RFX7: variants seen among roughly 807,000 people sequenced by gnomAD.
The protein encoded by RFX7 is regulatory factor X7.
A neutral mutation model predicts 111.8 loss-of-function variants in RFX7; 26 were observed. That is an observed-to-expected ratio of 0.23 (90% CI 0.17 to 0.32). RFX7 has a LOEUF of 0.32. Among genes scored for constraint, RFX7 ranks in the 10% least tolerant of loss-of-function variants. The probability of loss-of-function intolerance (pLI) is 1.00; values close to 1 mark genes in which losing one functional copy is unlikely to be tolerated. For missense variants in RFX7, 1,573 were observed against 1,772.9 expected, an observed-to-expected ratio of 0.89 and a Z score of 2.02; for synonymous variants, 624 against 624.4, an observed-to-expected ratio of 1.00 and a Z score of 0.01.
chr15:56,123,483 G>A (rs1467993080), intron 5 of RFX7, among the ~76,000 whole-genome samples: 1 of 152,166 alleles, frequency 6.6e-6, no homozygotes, highest in African/African-American at 2.4e-5. Flanking sequence ...CTCTCCTCAA[G>A]TGGAAGGAAG....
At chr15:56,167,875 G>C (rs1477075909) in intron 3 of RFX7, among the ~76,000 whole-genome samples, 1 of 152,148 alleles carries the variant, frequency 6.6e-6, no homozygotes, top group East Asian at 1.9e-4. Flanking sequence ...ATGGCATTCA[G>C]ACAACCTGCT....
At chr15:56,200,563 G>A (rs2043184223) in intron 2 of RFX7, among the ~76,000 whole-genome samples, 1 of 152,114 alleles carries the variant, frequency 6.6e-6, no homozygotes, top group Non-Finnish European at 1.5e-5. Context: ...CACTTTGGGA[G>A]GCCGAGGTGG....
intron 2 of RFX7, among the ~76,000 whole-genome samples, chr15:56,239,938 G>A (rs986587359): frequency 6.1e-5 from 9 of 148,710 alleles, no homozygotes; most frequent in African/African-American, 1.7e-4. Flanking sequence ...ACTAAACTAC[G>A]AAGACACTGA....
chr15:56,222,629 A>G (rs1462865490), intron 2 of RFX7, among the ~76,000 whole-genome samples: 1 of 152,084 alleles, frequency 6.6e-6, no homozygotes, highest in Non-Finnish European at 1.5e-5. Context: ...CATTTCAGAT[A>G]TTACATTTTT....
chr15:56,093,770 T>C lies in RFX7; in HGVS notation c.3958A>G (p.Ser1320Gly). The change falls in exon 10 of 10, where the codon AGT becomes GGT. Residue 1320 changes from serine (S) to glycine (G), a missense_variant. Transcript: ENST00000559447. ...EFQTPSYLTK[S>G]NSTGQINFSP... ...AAATTGATCTGACCGGTGCTATTAC[T>C]TTTGGTGAGGTAAGATGGTGTTTGG... is the stretch of plus-strand genomic sequence containing the variant. 2 of 1,613,926 alleles carry C rather than the reference T, an allele frequency of 1.2e-6. No individual in the cohort carries two copies. The highest frequency in any genetic ancestry group is 1.7e-6 in the Non-Finnish European group (2 of 1,179,856).
intron 5 of RFX7, among the ~76,000 whole-genome samples, chr15:56,108,984 AGG>A (rs1403908401): frequency 1.3e-5 from 2 of 152,180 alleles, no homozygotes; most frequent in East Asian, 3.9e-4. Flanking sequence ...ACAGCTAACA[AGG>A]GAAGTGAAGG....
chr15:56,121,284 C>T (rs898179820), intron 5 of RFX7, among the ~76,000 whole-genome samples: 4 of 152,140 alleles, frequency 2.6e-5, no homozygotes, highest in Non-Finnish European at 5.9e-5. Flanking sequence ...TTTTTCCCTT[C>T]AGCACTTCAG....
intron 2 of RFX7, among the ~76,000 whole-genome samples, chr15:56,228,397 G>C (rs1340138146): frequency 1.3e-5 from 2 of 151,936 alleles, no homozygotes; most frequent in Non-Finnish European, 2.9e-5. Context: ...CTATGTAAAT[G>C]AACTATGGAA....
chr15:56,094,727 G>C lies in RFX7; in HGVS notation c.3001C>G (p.Pro1001Ala). The part of the protein sequence containing the change: ...DSALGSSRHT[P>A]IGTPHSNCSS... ...CAGTTAGAATGTGGAGTACCAATGG[G>C]TGTATGTCGGCTACTTCCTAAAGCA... The change falls in exon 10 of 10, where the codon CCC becomes GCC. Residue 1001 changes from proline (P) to alanine (A), a missense_variant. Physicochemically the swap from Pro to Ala is conservative, Grantham distance 27. Around this residue, in one of 7 missense-constraint regions of RFX7, gnomAD observed 625 missense variants for 632.2 expected, o/e 0.99. Coordinates refer to ENST00000559447, the MANE Select transcript of RFX7 (RefSeq NM_022841.7). The C allele has an allele frequency of 6.2e-7, 1 of 1,613,936 alleles. No homozygotes were observed. The highest frequency in any genetic ancestry group is 8.5e-7 in the Non-Finnish European group (1 of 1,179,876).
intron 5 of RFX7, among the ~76,000 whole-genome samples, chr15:56,119,137 G>C (rs1269606807): frequency 6.6e-6 from 1 of 152,016 alleles, no homozygotes; most frequent in Non-Finnish European, 1.5e-5. Flanking sequence ...CCATTCTGTG[G>C]GTTATCTCTT....
chr15:56,150,678 C>A (rs2042557233), intron 3 of RFX7, among the ~76,000 whole-genome samples: 1 of 152,188 alleles, frequency 6.6e-6, no homozygotes, highest in Non-Finnish European at 1.5e-5. Context: ...GATCACAACC[C>A]CTCGCCAGCA....
In RFX7 at chr15:56,243,604, T is replaced by C. The variant is rs1229496571; in HGVS notation, c.-162A>G. 97 of 351,468 alleles carry C rather than the reference T, an allele frequency of 2.8e-4. No individual in the cohort carries two copies. Among genetic ancestry groups the C allele is most frequent in the Non-Finnish European group, 3.4e-4 (96 of 284,974 alleles). The allele number at this position is 351,468 out of a possible 1,614,324, so 21.8% of individuals were successfully genotyped here. A position where few individuals can be genotyped will look rare whatever the true frequency, so the allele number is the denominator to read the frequency against. On this transcript the variant is annotated 5_prime_UTR_variant, in exon 1 of 10. Coordinates refer to ENST00000559447, the MANE Select transcript of RFX7 (RefSeq NM_022841.7). ...GCCTCCTCCCGTCAGCGGCCGGGGC[T>C]GTGGGGGGGTGAGATGGGGGCGTTT...
rs1309893899 is a variant in RFX7, at chr15:56,093,717, T to C, written c.4011A>G (p.Ser1337=). The change falls in exon 10 of 10, where the codon TCA becomes TCG. Residue 1337 remains serine (S), a synonymous_variant. Transcript: ENST00000559447. ...AATCTAATTGTTGCTCTCCAATTTCTGATTGTGCTTGATTATCTCCAGGAG... is the reference window on the plus strand; with the variant it reads ...AATCTAATTGTTGCTCTCCAATTTCCGATTGTGCTTGATTATCTCCAGGAG... The part of the protein sequence containing the change: ...NFSPGDNQAQ[S]EIGEQQLDFN... The C allele has an allele frequency of 1.2e-6, 2 of 1,613,686 alleles. No individual in the cohort carries two copies. The highest frequency in any genetic ancestry group is 2.7e-5 in the African/African-American group (2 of 74,938).
intron 5 of RFX7, among the ~76,000 whole-genome samples, chr15:56,117,417 CAT>C (rs1409146299): frequency 2.0e-5 from 3 of 152,100 alleles, no homozygotes; most frequent in Non-Finnish European, 4.4e-5. Context: ...AAAAAGCTAA[CAT>C]GTAGACTTAT....
chr15:56,151,227 C>T (rs1027144094), intron 3 of RFX7, among the ~76,000 whole-genome samples: 4 of 152,076 alleles, frequency 2.6e-5, no homozygotes, highest in Non-Finnish European at 4.4e-5. Context: ...AGATACTCCT[C>T]GAGAAGAGCA....
chr15:56,124,976 T>C (rs922934177), intron 5 of RFX7, among the ~76,000 whole-genome samples: 27 of 152,332 alleles, frequency 1.8e-4, no homozygotes, highest in African/African-American at 6.5e-4. Flanking sequence ...TCTGCTAATT[T>C]TGTAGTTTTG....
intron 2 of RFX7, among the ~76,000 whole-genome samples, chr15:56,239,888 T>C (rs1233990618): frequency 1.3e-5 from 2 of 152,092 alleles, no homozygotes; most frequent in East Asian, 3.9e-4. Flanking sequence ...TAAAAGGACT[T>C]AGTAAATGTG....
intron 2 of RFX7, among the ~76,000 whole-genome samples, chr15:56,240,275 A>G (rs1238008791): frequency 6.6e-6 from 1 of 152,126 alleles, no homozygotes; most frequent in East Asian, 1.9e-4. Flanking sequence ...AGAATGAGTA[A>G]GGGTAAGAAA....
upstream of RFX7, among the ~76,000 whole-genome samples, chr15:56,244,440 T>G (rs1389713528): frequency 2.6e-5 from 4 of 152,014 alleles, no homozygotes; most frequent in African/African-American, 9.7e-5. Flanking sequence ...GGCCCCACTT[T>G]AACTATCCAA....
Sources: allele counts gnomAD v4.1 joint callset (sites outside exome capture counted in the v4.1 genomes callset), GRCh38; gene constraint gnomAD v4.1.1; regional missense constraint gnomAD v4.1.1; transcripts MANE v1.5; gene names NCBI Gene and HGNC (gene_info 2026-07-23, HGNC 2026-07-21).